ARHGAP24: variants seen among roughly 807,000 people sequenced by gnomAD.
ARHGAP24 encodes rho GTPase-activating protein 24.
A neutral mutation model predicts 76.4 loss-of-function variants in ARHGAP24; 50 were observed. That is an observed-to-expected ratio of 0.65 (90% confidence interval 0.52 to 0.83). ARHGAP24 has a LOEUF of 0.83. Among genes scored for constraint, ARHGAP24 ranks in the 40% least tolerant of loss-of-function variants. ARHGAP24 has a pLI of 0.00. For synonymous variants in ARHGAP24, 345 were observed against 323.3 expected, an observed-to-expected ratio of 1.07 and a Z score of -0.72; for missense variants, 930 against 914.2, an observed-to-expected ratio of 1.02 and a Z score of -0.22.
chr4:85,868,046 T>C (rs372894745), intron 3 of ARHGAP24, among the ~76,000 whole-genome samples: 5 of 151,556 alleles, frequency 3.3e-5, no homozygotes, highest in Non-Finnish European at 5.9e-5. Context: ...CTCAAAGTGG[T>C]TGGGTTGCAG....
At chr4:85,733,459 G>A (rs918625725) in intron 3 of ARHGAP24, among the ~76,000 whole-genome samples, 1 of 152,094 alleles carries the variant, frequency 6.6e-6, no homozygotes, top group African/African-American at 2.4e-5. Flanking sequence ...GTTTTTCTAT[G>A]AACTTGTGCT....
rs116501768 is a variant in ARHGAP24 at position 85,828,561 on chromosome 4, G to A, written c.269-95087G>A. On this transcript the variant is annotated intron_variant, in intron 3 of 9. Coordinates refer to ENST00000395184, the MANE Select transcript of ARHGAP24 (RefSeq NM_001025616.3). The stretch of plus-strand genomic sequence containing the variant: ...GCCAAAAGAAAACCAAATAATACGT[G>A]CTATCTTTTGATGTACTTACAATTA... Among the ~76,000 whole-genome samples, 1,271 of 151,240 alleles carry A rather than the reference G, an allele frequency of 8.4e-3. 15 individuals carry two copies. Among genetic ancestry groups the A allele is most frequent in the African/African-American group, 0.03 (1,223 of 41,232 alleles).
chr4:85,594,327 T>C (rs1445040532), intron 2 of ARHGAP24, among the ~76,000 whole-genome samples: 1 of 152,126 alleles, frequency 6.6e-6, no homozygotes, highest in African/African-American at 2.4e-5. Context: ...CTGAATTTGT[T>C]TATTAGTTCT....
chr4:85,769,537 T>A (rs1016006703), intron 3 of ARHGAP24, among the ~76,000 whole-genome samples: 1 of 152,228 alleles, frequency 6.6e-6, no homozygotes, highest in African/African-American at 2.4e-5. Flanking sequence ...TATGTGTGTA[T>A]AATTATACAT....
chr4:85,521,119 A>G (rs1272561321), intron 1 of ARHGAP24, among the ~76,000 whole-genome samples: 1 of 152,218 alleles, frequency 6.6e-6, no homozygotes, highest in Non-Finnish European at 1.5e-5. Flanking sequence ...TGGAGGCACA[A>G]GCCTCATTCA....
intron 3 of ARHGAP24, among the ~76,000 whole-genome samples, chr4:85,842,651 G>A (rs992584978): frequency 3.9e-5 from 6 of 152,166 alleles, no homozygotes; most frequent in Admixed American, 3.3e-4. Context: ...TTATACACAC[G>A]TCAGCTGTGG....
At chr4:85,538,386 A>G (rs978839637) in intron 1 of ARHGAP24, among the ~76,000 whole-genome samples, 2 of 152,188 alleles carry the variant, frequency 1.3e-5, no homozygotes, top group East Asian at 3.8e-4. Context: ...GTTAAATTAT[A>G]TGATATTGCA....
intron 2 of ARHGAP24, among the ~76,000 whole-genome samples, chr4:85,633,803 T>G (rs1397739828): frequency 1.3e-5 from 2 of 151,912 alleles, no homozygotes; most frequent in Non-Finnish European, 2.9e-5. Context: ...GGGAGCCTGA[T>G]TTCTCCTCTC....
At chr4:85,869,842 A>G (rs1203959314) in intron 3 of ARHGAP24, among the ~76,000 whole-genome samples, 1 of 152,138 alleles carries the variant, frequency 6.6e-6, no homozygotes, top group Non-Finnish European at 1.5e-5. Context: ...TTTAATTAGA[A>G]TTCTTCAGAA....
At chr4:85,865,390 C>T (rs1351628418) in intron 3 of ARHGAP24, among the ~76,000 whole-genome samples, 1 of 150,068 alleles carries the variant, frequency 6.7e-6, no homozygotes, top group African/African-American at 2.4e-5. Context: ...TGTTAACCAC[C>T]CTAAATAATG....
intron 2 of ARHGAP24, among the ~76,000 whole-genome samples, chr4:85,695,250 AC>A (rs1723826178): frequency 6.6e-6 from 1 of 152,224 alleles, no homozygotes; most frequent in Non-Finnish European, 1.5e-5. Context: ...ATGCTGACAC[AC>A]AACTATGTAA....
intron 2 of ARHGAP24, among the ~76,000 whole-genome samples, chr4:85,685,398 C>T (rs937237460): frequency 3.3e-5 from 5 of 151,858 alleles, no homozygotes; most frequent in Admixed American, 6.6e-5. Context: ...TTTGGGAGGC[C>T]GAGGCAGGTG....
intron 5 of ARHGAP24, among the ~76,000 whole-genome samples, chr4:85,961,954 C>G (rs1738284351): frequency 6.6e-6 from 1 of 152,092 alleles, no homozygotes; most frequent in Non-Finnish European, 1.5e-5. Flanking sequence ...TCTTCTGAAA[C>G]TCCATCTGCA....
At chr4:85,802,026 G>GT (rs1327461689) in intron 3 of ARHGAP24, among the ~76,000 whole-genome samples, 2 of 152,212 alleles carry the variant, frequency 1.3e-5, no homozygotes, top group Admixed American at 1.3e-4. Context: ...TGCCGTGTAT[G>GT]TAACAAGTTT....
At chr4:85,703,510 G>A (rs527699661) in intron 2 of ARHGAP24, among the ~76,000 whole-genome samples, 45 of 152,220 alleles carry the variant, frequency 3.0e-4, no homozygotes, top group African/African-American at 1.1e-3. Context: ...GAACTTGGGG[G>A]AGTTGATGAC....
intron 1 of ARHGAP24, among the ~76,000 whole-genome samples, chr4:85,559,696 G>A (rs1726520933): frequency 6.6e-6 from 1 of 152,108 alleles, no homozygotes; most frequent in Non-Finnish European, 1.5e-5. Context: ...CCTATTTTGA[G>A]GGGTCTAGTC....
At chr4:85,888,301 G>T (rs1421383492) in intron 3 of ARHGAP24, among the ~76,000 whole-genome samples, 1 of 150,610 alleles carries the variant, frequency 6.6e-6, no homozygotes. Flanking sequence ...TTGGGAGGCT[G>T]ATACAGGAAA....
At chr4:85,813,097 G>A (rs1729080883) in intron 3 of ARHGAP24, among the ~76,000 whole-genome samples, 4 of 152,158 alleles carry the variant, frequency 2.6e-5, no homozygotes, top group Non-Finnish European at 4.4e-5. Flanking sequence ...CCAGGATGAA[G>A]GAAGTACCTC....
intron 2 of ARHGAP24, among the ~76,000 whole-genome samples, chr4:85,577,655 GTAT>G (rs1727435750): frequency 6.6e-6 from 1 of 152,136 alleles, no homozygotes; most frequent in African/African-American, 2.4e-5. Flanking sequence ...ATTCTAGTGG[GTAT>G]TAGGCATAAT....
Sources: gnomAD v4.1 joint callset for allele counts (sites outside exome capture counted in the v4.1 genomes callset) on GRCh38, gnomAD v4.1.1 for gene constraint, MANE v1.5 for transcripts, NCBI Gene and HGNC (gene_info 2026-07-23, HGNC 2026-07-21) for gene names.